Variants in RAB11FIP3 observed in about 807,000 individuals in gnomAD.
RAB11FIP3 encodes the protein rab11 family-interacting protein 3.
RAB11FIP3 carries 17 observed loss-of-function variants against 77.8 expected under a neutral mutation model. The observed-to-expected ratio is 0.22, with a 90% CI of 0.15 to 0.33. The LOEUF (loss-of-function observed/expected upper bound fraction) is 0.33, where lower values mean the gene tolerates loss of function less well. RAB11FIP3 is among the 10% of genes least tolerant of loss of function. The pLI is 1.00. For synonymous variants in RAB11FIP3, 437 were observed against 448.2 expected, an observed-to-expected ratio of 0.98 and a Z score of 0.31; for missense variants, 1,005 against 1,011.2, an observed-to-expected ratio of 0.99 and a Z score of 0.08.
chr16:482,744 C>T lies in RAB11FIP3; in HGVS notation c.1115+8C>T, dbSNP rs1473737591. On this transcript the variant is annotated splice_region_variant and intron_variant, in intron 4 of 13. Transcript: ENST00000262305. ...GCTGCTGCTCCCAGGCAGGTCTGTA[C>T]CCCGCCACGGGCCTCCTGGAGAGGC... The T allele has an allele frequency of 1.3e-6, 2 of 1,586,668 alleles. No homozygotes were observed. The highest frequency in any genetic ancestry group is 2.3e-5 in the East Asian group (1 of 43,196).
chr16:425,890 C>A lies in RAB11FIP3; in HGVS notation c.-117C>A. ...GGGCCCGAGCGCCAGCCCCAGCAGC[C>A]CGGGCGCCCCGCGCGCGCCCGCCCG... is the stretch of plus-strand genomic sequence containing the variant. On this transcript the variant is annotated 5_prime_UTR_variant, in exon 1 of 14. Transcript: ENST00000262305. 1 of 208,480 alleles carries A rather than the reference C, an allele frequency of 4.8e-6. No homozygotes were observed. Among genetic ancestry groups the A allele is most frequent in the Non-Finnish European group, 8.6e-6 (1 of 116,400 alleles). 12.9% of individuals were successfully genotyped at this position (208,480 alleles called of 1,614,324 possible). A position where few individuals can be genotyped will look rare whatever the true frequency, so the allele number is the denominator to read the frequency against.
intron 5 of RAB11FIP3, among the ~76,000 whole-genome samples, chr16:490,567 G>A (rs939879916): frequency 1.3e-5 from 2 of 152,156 alleles, no homozygotes; most frequent in Admixed American, 6.6e-5. Flanking sequence ...AAACGCCTGA[G>A]CTCAAGCGAT....
In RAB11FIP3 at chr16:426,687, C is replaced by T; in HGVS notation, c.681C>T (p.Phe227=). The T allele has an allele frequency of 6.5e-7, 1 of 1,534,042 alleles. No individual in the cohort carries two copies. Among genetic ancestry groups the T allele is most frequent in the Non-Finnish European group, 8.8e-7 (1 of 1,139,876 alleles). Residue 227 remains phenylalanine (F), a synonymous_variant, in exon 1 of 14, where the codon TTC becomes TTT. Coordinates refer to ENST00000262305, the MANE Select transcript of RAB11FIP3 (RefSeq NM_014700.4). This position sits in a 1 kb window ranked among gnomAD's most constrained non-coding sequence, Gnocchi z 5.0. ...ACGGTTTCGTCCGCATCGAGGACTT[C>T]ATCCAGTTTGCTACGGTCTACGGGG... ...DGDGFVRIED[F]IQFATVYGAE... is the part of the protein sequence containing the mutation.
At chr16:502,390 C>T (rs558981166) in intron 6 of RAB11FIP3, among the ~76,000 whole-genome samples, 3 of 152,288 alleles carry the variant, frequency 2.0e-5, no homozygotes, top group South Asian at 2.1e-4. Flanking sequence ...GTGCTGGGGG[C>T]GTGTCCACAG....
chr16:460,391 G>C (rs1045452776), intron 1 of RAB11FIP3, among the ~76,000 whole-genome samples: 1 of 152,064 alleles, frequency 6.6e-6, no homozygotes, highest in Non-Finnish European at 1.5e-5. Flanking sequence ...GTGTGCCATG[G>C]TGATTTGCTG....
chr16:474,175 C>G (rs1308970905), intron 3 of RAB11FIP3, among the ~76,000 whole-genome samples: 1 of 152,036 alleles, frequency 6.6e-6, no homozygotes, highest in Non-Finnish European at 1.5e-5. Context: ...CATCCAGATA[C>G]CCTATTCGGG....
chr16:475,227 GC>G, intron 3 of RAB11FIP3: 1 of 1,102,502 alleles, frequency 9.1e-7, no homozygotes. Flanking sequence ...CCCTGAACGG[GC>G]TTTTTCTCTG....
chr16:428,473 A>G (rs1481254000), intron 1 of RAB11FIP3, among the ~76,000 whole-genome samples: 4 of 152,278 alleles, frequency 2.6e-5, no homozygotes, highest in South Asian at 2.1e-4. Flanking sequence ...GGAGAGTACC[A>G]CATTTGCTCC....
intron 3 of RAB11FIP3, among the ~76,000 whole-genome samples, chr16:476,216 G>T (rs1177215445): frequency 1.3e-5 from 2 of 152,214 alleles, no homozygotes; most frequent in African/African-American, 4.8e-5. Flanking sequence ...TGAGTTCCAG[G>T]CTTGGCAGGG....
Position 426,300 on chromosome 16 carries a change from G to T in RAB11FIP3, c.294G>T (p.Gly98=), listed in dbSNP as rs746480452. Residue 98 remains glycine, a synonymous_variant, in exon 1 of 14, where the codon GGG becomes GGT. Coordinates refer to ENST00000262305, the MANE Select transcript of RAB11FIP3 (RefSeq NM_014700.4). The surrounding 1 kb of genome is among the most constrained non-coding windows in gnomAD (Gnocchi z 5.0). ...SAPPPRSGPR[G]QLASPDAPGP... ...CGCCGCCGCGCTCCGGCCCGCGGGG[G>T]CAGCTTGCGAGCCCCGACGCCCCGG... 7.1e-6 allele frequency: 9 copies of T among 1,270,712 alleles called. No homozygotes were observed. In the African/African-American group the frequency reaches 1.1e-4, roughly 15 times the overall value. The allele number at this position is 1,270,712 out of a possible 1,614,324, so 78.7% of individuals were successfully genotyped here.
intron 1 of RAB11FIP3, among the ~76,000 whole-genome samples, chr16:439,603 A>C (rs8059607): frequency 0.42 from 63,972 of 151,958 alleles, 15,124 homozygotes; most frequent in Middle Eastern, 0.54. Context: ...TAGAATGTTT[A>C]TTTTGCCATG....
chr16:508,048 A>G (rs1383797399), intron 8 of RAB11FIP3, among the ~76,000 whole-genome samples: 1 of 152,112 alleles, frequency 6.6e-6, no homozygotes, highest in East Asian at 1.9e-4. Context: ...TGTTTTGCCA[A>G]CTCATTTTCT....
intron 1 of RAB11FIP3, among the ~76,000 whole-genome samples, chr16:434,267 A>G (rs2055090493): frequency 6.6e-6 from 1 of 152,098 alleles, no homozygotes; most frequent in African/African-American, 2.4e-5. Flanking sequence ...GATTACAAGC[A>G]TGTGCCACCA....
intron 10 of RAB11FIP3, 124 bp from the exon 11 acceptor site, chr16:519,630 C>T: frequency 1.3e-5 from 17 of 1,339,272 alleles, no homozygotes; most frequent in Non-Finnish European, 1.7e-5. Flanking sequence ...TGTCGCGCTC[C>T]AAGCACGGGC....
chr16:520,300 C>G (rs1315210932), intron 12 of RAB11FIP3, 23 bp downstream of exon 12: 2 of 1,544,876 alleles, frequency 1.3e-6, no homozygotes, highest in African/African-American at 1.4e-5. Flanking sequence ...GGGCCTCCCT[C>G]CCTCACACTC....
At chr16:510,398 G>A (rs2032084508) in intron 8 of RAB11FIP3, 3 of 452,156 alleles carry the variant, frequency 6.6e-6, no homozygotes, top group Non-Finnish European at 1.2e-5. Flanking sequence ...AGCGGGCAGT[G>A]CCTGTGGGTA....
Position 482,513 on chromosome 16 carries a change from A to G in RAB11FIP3, c.904-12A>G. ...GCTTGTGCCCGCTGACTGCTGGCGC[A>G]CTCTCTCCTAGGCCAACGAGGTGAC... On this transcript the variant is annotated splice_polypyrimidine_tract_variant and intron_variant, in intron 3 of 13. Transcript: ENST00000262305. The G allele has an allele frequency of 6.2e-7, 1 of 1,612,322 alleles. No individual in the cohort carries two copies. Among genetic ancestry groups the G allele is most frequent in the East Asian group, 2.2e-5 (1 of 44,842 alleles).
rs58290701 is a variant in RAB11FIP3, at chr16:522,044, T to TGTGTGCGCGCATGTGTGCATGCGTGC, written c.*1205_*1206insGTGTGCGCGCATGTGTGCATGCGTGC. ...CGCTGCGTGTGTGTGCGCGCGCGTG[T>TGTGTGCGCGCATGTGTGCATGCGTGC]ACGTGTGGCCCCACATCCGCCGCCT... On this transcript the variant is annotated 3_prime_UTR_variant, in exon 14 of 14. Coordinates refer to ENST00000262305, the MANE Select transcript of RAB11FIP3 (RefSeq NM_014700.4). 1.3e-5 allele frequency: 2 copies of TGTGTGCGCGCATGTGTGCATGCGTGC among 151,732 alleles called. No individual in the cohort carries two copies. The highest frequency in any genetic ancestry group is 2.9e-5 in the Non-Finnish European group (2 of 67,962). The allele number at this position is 151,732 out of a possible 1,614,324, so 9.4% of individuals were successfully genotyped here. A position where few individuals can be genotyped will look rare whatever the true frequency, so the allele number is the denominator to read the frequency against.
At chr16:456,917 C>T (rs1376846982) in intron 1 of RAB11FIP3, among the ~76,000 whole-genome samples, 2 of 152,092 alleles carry the variant, frequency 1.3e-5, no homozygotes, top group East Asian at 3.9e-4. Context: ...CCGCAGGCTT[C>T]AGTGCCATTG....
Sources: allele counts gnomAD v4.1 joint callset (sites outside exome capture counted in the v4.1 genomes callset), GRCh38; gene constraint gnomAD v4.1.1; non-coding constraint Gnocchi (gnomAD v3.1); transcripts MANE v1.5; gene names NCBI Gene and HGNC (gene_info 2026-07-23, HGNC 2026-07-21).